Variants in TMEM163 observed in about 807,000 individuals in gnomAD.
TMEM163 encodes the protein transmembrane protein 163.
TMEM163 carries 17 observed loss-of-function variants against 29.3 expected under a neutral mutation model. That is an observed-to-expected ratio of 0.58 (90% CI 0.40 to 0.87). TMEM163 has a LOEUF of 0.87. Among genes scored for constraint, TMEM163 ranks in the 40% least tolerant of loss-of-function variants. The pLI is 0.00. For synonymous variants in TMEM163, 157 were observed against 160.6 expected, an observed-to-expected ratio of 0.98 and a Z score of 0.17; for missense variants, 303 against 381.5, an observed-to-expected ratio of 0.79 and a Z score of 1.71.
chr2:134,637,303 C>T (rs1464546239), intron 2 of TMEM163, among the ~76,000 whole-genome samples: 1 of 152,186 alleles, frequency 6.6e-6, no homozygotes, highest in African/African-American at 2.4e-5. Flanking sequence ...GTGAGATGAA[C>T]TGCCAAGTCT....
intron 2 of TMEM163, among the ~76,000 whole-genome samples, chr2:134,596,563 T>C (rs566657204): frequency 5.9e-5 from 9 of 152,354 alleles, no homozygotes; most frequent in Admixed American, 3.9e-4. Context: ...TCCAGCTTTG[T>C]TCTTTTGGCT....
chr2:134,682,240 A>T (rs950377275), intron 2 of TMEM163, among the ~76,000 whole-genome samples: 3 of 152,320 alleles, frequency 2.0e-5, no homozygotes, highest in Admixed American at 2.0e-4. Context: ...TCTCTTGCAG[A>T]ACCCAGGTTG....
At position 134,585,184 on chromosome 2, in the gene TMEM163, A is replaced by G. The variant is rs149917659; in HGVS notation, c.323-33093T>C. ...AACCTCGTCCTCTTTTTTCTTTTTT[A>G]GAGACAGGGTCTCACTGTGTTGTCC... On this transcript the variant is annotated intron_variant, in intron 2 of 7. Transcript: ENST00000281924. 7.0e-4 allele frequency among the ~76,000 whole-genome samples: 107 copies of G among 152,234 alleles called. 2 individuals carry two copies. The Middle Eastern group carries it at 0.017, about 24-fold the overall frequency.
chr2:134,644,306 A>G (rs1683285163), intron 2 of TMEM163, among the ~76,000 whole-genome samples: 1 of 152,102 alleles, frequency 6.6e-6, no homozygotes, highest in Middle Eastern at 3.2e-3. Flanking sequence ...AACAACTAAA[A>G]CGATGTTTTT....
intron 2 of TMEM163, among the ~76,000 whole-genome samples, chr2:134,605,554 T>A (rs1682334332): frequency 6.6e-6 from 1 of 151,788 alleles, no homozygotes. Flanking sequence ...AAAAATTAAC[T>A]GGGCATGGTG....
At chr2:134,584,103 C>T (rs555919967) in intron 2 of TMEM163, among the ~76,000 whole-genome samples, 1 of 152,316 alleles carries the variant, frequency 6.6e-6, no homozygotes, top group South Asian at 2.1e-4. Context: ...CAGACTATTG[C>T]TTGGCAGATG....
At chr2:134,573,064 T>G (rs1681469583) in intron 2 of TMEM163, among the ~76,000 whole-genome samples, 1 of 152,174 alleles carries the variant, frequency 6.6e-6, no homozygotes, top group Non-Finnish European at 1.5e-5. Flanking sequence ...CTGAGCAATC[T>G]GTGATTCTTT....
Position 134,550,572 on chromosome 2 carries a change from G to C in TMEM163, c.456C>G (p.Tyr152Ter). ...GAGAAAGACAAGAATCTACTTACAT[G>C]TACTCCCTATGGGCAGAGTGCACAG... ...AAAVHSAHREYIACVILGVIF... is the reference protein window; with the variant it reads ...AAAVHSAHRE Residue 152 changes from tyrosine to a stop codon, truncating the protein, a stop_gained and splice_region_variant, in exon 4 of 8, where the codon TAC (tyrosine) becomes TAG (stop). Coordinates refer to ENST00000281924, the MANE Select transcript of TMEM163 (RefSeq NM_030923.5). LOFTEE classifies it high-confidence loss of function. The C allele has an allele frequency of 6.2e-7, 1 of 1,613,966 alleles. No individual in the cohort carries two copies. Among genetic ancestry groups the C allele is most frequent in the Non-Finnish European group, 8.5e-7 (1 of 1,179,902 alleles).
At chr2:134,467,848 T>C (rs901663191) in intron 5 of TMEM163, 1 of 152,264 alleles carries the variant, frequency 6.6e-6, no homozygotes. Flanking sequence ...GGGCACTCTC[T>C]GTACTATCTG....
At chr2:134,661,001 G>A (rs908922815) in intron 2 of TMEM163, among the ~76,000 whole-genome samples, 5 of 152,174 alleles carry the variant, frequency 3.3e-5, no homozygotes, top group African/African-American at 4.8e-5. Context: ...GGTCATGGGG[G>A]CACTGCCCTC....
intron 4 of TMEM163, among the ~76,000 whole-genome samples, chr2:134,531,071 A>C (rs568361907): frequency 6.6e-6 from 1 of 152,220 alleles, no homozygotes; most frequent in African/African-American, 2.4e-5. Flanking sequence ...GGGGGCTAAC[A>C]GTTTTGTTTT....
At chr2:134,550,308 G>A (rs1251412209) in intron 4 of TMEM163, among the ~76,000 whole-genome samples, 4 of 152,200 alleles carry the variant, frequency 2.6e-5, no homozygotes, top group Non-Finnish European at 5.9e-5. Flanking sequence ...ATGGATGGAT[G>A]AGCGGATGGA....
chr2:134,528,084 G>T (rs1384631828), intron 4 of TMEM163, among the ~76,000 whole-genome samples: 2 of 152,070 alleles, frequency 1.3e-5, no homozygotes, highest in Non-Finnish European at 2.9e-5. Context: ...AGAAACACCT[G>T]GTCCTTCTAA....
At chr2:134,539,795 C>T (rs1304794804) in intron 4 of TMEM163, among the ~76,000 whole-genome samples, 1 of 152,180 alleles carries the variant, frequency 6.6e-6, no homozygotes, top group African/African-American at 2.4e-5. Flanking sequence ...CCTAAAACTT[C>T]AAAGACAGCT....
intron 4 of TMEM163, among the ~76,000 whole-genome samples, chr2:134,536,722 C>A (rs1193767661): frequency 6.6e-6 from 1 of 152,146 alleles, no homozygotes; most frequent in Admixed American, 6.5e-5. Context: ...CTAAGAAAGT[C>A]AGTAATAAAA....
intron 2 of TMEM163, among the ~76,000 whole-genome samples, chr2:134,589,775 C>T (rs1196174951): frequency 1.3e-5 from 2 of 152,204 alleles, no homozygotes; most frequent in Non-Finnish European, 2.9e-5. Context: ...AATAAACTTG[C>T]TTTCACTTCA....
At chr2:134,511,153 CGGG>C (rs10639023) in intron 4 of TMEM163, among the ~76,000 whole-genome samples, 1 of 122,396 alleles carries the variant, frequency 8.2e-6, no homozygotes, top group African/African-American at 3.7e-5. Flanking sequence ...GAGAACAAGG[CGGG>C]GGGGGGTGCT....
At chr2:134,567,901 A>G (rs1323133189) in intron 2 of TMEM163, among the ~76,000 whole-genome samples, 2 of 152,170 alleles carry the variant, frequency 1.3e-5, no homozygotes, top group Non-Finnish European at 2.9e-5. Context: ...CAGAGAACAC[A>G]TTCTGCAGTG....
intron 2 of TMEM163, among the ~76,000 whole-genome samples, chr2:134,568,677 AAAG>A (rs914138378): frequency 2.6e-5 from 4 of 151,512 alleles, no homozygotes; most frequent in African/African-American, 9.7e-5. Context: ...GGAAAGAAGG[AAAG>A]AAAAGAAAAA....
Sources: allele counts gnomAD v4.1 joint callset (sites outside exome capture counted in the v4.1 genomes callset), GRCh38; gene constraint gnomAD v4.1.1; transcripts MANE v1.5; gene names NCBI Gene and HGNC (gene_info 2026-07-23, HGNC 2026-07-21).